CELF2: variants seen among roughly 807,000 people sequenced by gnomAD.
CELF2 encodes CUGBP Elav-like family member 2, also known as CUG triplet repeat RNA-binding protein 2.
A neutral mutation model predicts 62.6 loss-of-function variants in CELF2; 8 were observed. That is an observed-to-expected ratio of 0.13 (90% CI 0.07 to 0.23). The LOEUF (loss-of-function observed/expected upper bound fraction) is 0.23, where lower values mean the gene tolerates loss of function less well. Ranked by LOEUF, CELF2 falls within the 10% of genes least tolerant of loss-of-function variation. The pLI is 1.00. For missense variants in CELF2, 333 were observed against 671.0 expected (o/e 0.50, Z 5.56); for synonymous variants, 258 against 250.0 (o/e 1.03, Z -0.30).
chr10:10,766,232 C>T, the CELF2 span, among the ~76,000 whole-genome samples: 2 of 152,218 alleles, frequency 1.3e-5, no homozygotes, highest in Non-Finnish European at 2.9e-5. Flanking sequence ...TTCGTACATC[C>T]TGGCCGAGGT....
chr10:10,493,460 T>A, the CELF2 span, among the ~76,000 whole-genome samples: 9,872 of 151,710 alleles, frequency 0.065, 416 homozygotes, highest in East Asian at 0.12. Flanking sequence ...CAAAAAAAAA[T>A]AAGTTTCACA....
chr10:11,274,354 G>T (rs2085139953), intron 7 of CELF2, among the ~76,000 whole-genome samples: 2 of 152,186 alleles, frequency 1.3e-5, no homozygotes, highest in Admixed American at 1.3e-4. Flanking sequence ...ATTCTGCATG[G>T]CAGGAAAAAT....
At chr10:10,757,296 A>G in the CELF2 span, among the ~76,000 whole-genome samples, 1 of 151,124 alleles carries the variant, frequency 6.6e-6, no homozygotes, top group Middle Eastern at 3.4e-3. Flanking sequence ...CTTCTCTACA[A>G]AAAAATAAAA....
the CELF2 span, among the ~76,000 whole-genome samples, chr10:10,680,248 C>G: frequency 3.3e-5 from 5 of 152,156 alleles, no homozygotes; most frequent in East Asian, 9.6e-4. Context: ...AGACCACCCC[C>G]ACTTCTGACA....
chr10:11,283,958 G>A (rs2090046856), intron 8 of CELF2, among the ~76,000 whole-genome samples: 1 of 72,338 alleles, frequency 1.4e-5, no homozygotes, highest in African/African-American at 5.1e-5. Flanking sequence ...AGGGATGAGT[G>A]TGTGGTGGGT....
chr10:10,937,582 G>C (rs1276171942), intron 2 of CELF2: 1 of 152,148 alleles, frequency 6.6e-6, no homozygotes, highest in African/African-American at 2.4e-5. Flanking sequence ...AAAAGAACTT[G>C]AGAAAGGCAA....
At chr10:10,658,385 T>G in the CELF2 span, among the ~76,000 whole-genome samples, 1 of 152,232 alleles carries the variant, frequency 6.6e-6, no homozygotes, top group Non-Finnish European at 1.5e-5. Context: ...ATTTCATATC[T>G]GAAATCCAAA....
At chr10:10,791,674 G>A in the CELF2 span, among the ~76,000 whole-genome samples, 1 of 152,110 alleles carries the variant, frequency 6.6e-6, no homozygotes, top group African/African-American at 2.4e-5. Context: ...AAGTCTCTGT[G>A]AATTGTTTTC....
At chr10:11,216,649 T>C (rs1024344877) in intron 2 of CELF2, among the ~76,000 whole-genome samples, 3 of 152,228 alleles carry the variant, frequency 2.0e-5, no homozygotes, top group African/African-American at 4.8e-5. Context: ...CATACCGTTT[T>C]CTTTGGTGGA....
chr10:10,881,786 T>G lies in CELF2; in HGVS notation c.54-38178T>G, dbSNP rs538665475. On this transcript the variant is annotated intron_variant, in intron 1 of 13. Transcript: ENST00000636488. ...TGTGGTACTTAAGAGCAAGTTGTTA[T>G]GCATATGCCAGACAAAACTGCCGCT... 2.6e-5 allele frequency among the ~76,000 whole-genome samples: 4 copies of G among 152,314 alleles called. No homozygotes were observed. The East Asian group carries it at 7.7e-4, about 29-fold the overall frequency.
At chr10:10,836,228 A>T (rs1354695415) in intron 1 of CELF2, among the ~76,000 whole-genome samples, 1 of 152,118 alleles carries the variant, frequency 6.6e-6, no homozygotes, top group Non-Finnish European at 1.5e-5. Context: ...AGGAGAAAGG[A>T]GGAGGGGGGA....
At chr10:11,061,743 T>C (rs2066781302) in intron 1 of CELF2, among the ~76,000 whole-genome samples, 1 of 152,254 alleles carries the variant, frequency 6.6e-6, no homozygotes, top group Non-Finnish European at 1.5e-5. Context: ...ACTCTTCCAG[T>C]GCTCTGTAAA....
intron 1 of CELF2, among the ~76,000 whole-genome samples, chr10:10,882,049 G>T (rs2061471408): frequency 6.6e-6 from 1 of 152,164 alleles, no homozygotes; most frequent in South Asian, 2.1e-4. Flanking sequence ...AAAGCCAGCG[G>T]ATTGCTATCC....
the CELF2 span, among the ~76,000 whole-genome samples, chr10:10,496,320 G>T: frequency 1.4e-4 from 22 of 152,186 alleles, no homozygotes; most frequent in African/African-American, 5.3e-4. Context: ...TTGTCTACTC[G>T]TATCTACCAT....
At chr10:10,910,116 G>A (rs1033855230) in intron 1 of CELF2, among the ~76,000 whole-genome samples, 9 of 152,174 alleles carry the variant, frequency 5.9e-5, no homozygotes, top group African/African-American at 2.2e-4. Context: ...GTGATATTAT[G>A]TCCCTGGGAA....
In CELF2 at chr10:11,301,867, A is replaced by T. The variant is rs548603658; in HGVS notation, c.977-12272A>T. Among the ~76,000 whole-genome samples, 23 of 151,834 alleles carry T rather than the reference A, an allele frequency of 1.5e-4. 1 individual carries two copies. The South Asian group carries it at 4.6e-3, about 30-fold the overall frequency. ...TGAGGAGCCCCAGTTAGGCCGCGGGAGGTGGAGTGCGAGGCCCTTGTCCAG... is the reference window on the plus strand; with the variant it reads ...TGAGGAGCCCCAGTTAGGCCGCGGGTGGTGGAGTGCGAGGCCCTTGTCCAG... On this transcript the variant is annotated intron_variant, in intron 9 of 12. Coordinates refer to ENST00000633077, the MANE Select transcript of CELF2 (RefSeq NM_001326342.2).
chr10:10,752,401 A>T, the CELF2 span, among the ~76,000 whole-genome samples: 1 of 152,128 alleles, frequency 6.6e-6, no homozygotes, highest in Non-Finnish European at 1.5e-5. Flanking sequence ...ATATTTCAAG[A>T]TACTCCAGGC....
intron 1 of CELF2, among the ~76,000 whole-genome samples, chr10:11,126,934 A>G (rs1471108053): frequency 4.6e-5 from 7 of 151,074 alleles, no homozygotes; most frequent in Admixed American, 3.3e-4. Flanking sequence ...TCTAGGGTAC[A>G]TGTGCACAAT....
At chr10:10,975,948 G>A (rs1174210500) in intron 2 of CELF2, among the ~76,000 whole-genome samples, 6 of 152,226 alleles carry the variant, frequency 3.9e-5, no homozygotes, top group Admixed American at 3.9e-4. Context: ...AAATTAAGGG[G>A]TGGGTCAATG....
Sources: gnomAD v4.1 joint callset for allele counts (sites outside exome capture counted in the v4.1 genomes callset) on GRCh38, gnomAD v4.1.1 for gene constraint, MANE v1.5 for transcripts, NCBI Gene and HGNC (gene_info 2026-07-23, HGNC 2026-07-21) for gene names.